TMEM132C: variants seen among roughly 807,000 people sequenced by gnomAD.
The protein encoded by TMEM132C is transmembrane protein 132C.
In TMEM132C, 29 loss-of-function variants were observed where a neutral mutation model predicts 61.4. The ratio of observed to expected loss-of-function variants is 0.47; its 90% CI spans 0.35 to 0.64. The LOEUF is 0.64. TMEM132C is among the 30% of genes least tolerant of loss of function. The pLI is 0.00. For missense variants in TMEM132C, 1,408 were observed against 1,476.9 expected (o/e 0.95, Z 0.76); for synonymous variants, 656 against 633.1 (o/e 1.04, Z -0.54).
intron 3 of TMEM132C, among the ~76,000 whole-genome samples, chr12:128,605,549 G>A (rs894827011): frequency 6.6e-6 from 1 of 152,160 alleles, no homozygotes; most frequent in Non-Finnish European, 1.5e-5. Context: ...TCAAGGTAAT[G>A]CATAAAATTA....
At chr12:128,663,519 G>A (rs574924286) in intron 4 of TMEM132C, among the ~76,000 whole-genome samples, 8 of 152,268 alleles carry the variant, frequency 5.3e-5, no homozygotes, top group African/African-American at 1.9e-4. Context: ...GAGGTGGGGC[G>A]TTTTACACCC....
chr12:128,567,755 G>A (rs1414799841), intron 3 of TMEM132C, among the ~76,000 whole-genome samples: 5 of 152,256 alleles, frequency 3.3e-5, no homozygotes, highest in South Asian at 4.2e-4. Flanking sequence ...TTCCAAGCTC[G>A]AGTCCAGCAG....
intron 1 of TMEM132C, among the ~76,000 whole-genome samples, chr12:128,406,240 C>T (rs1203342387): frequency 1.3e-5 from 2 of 152,204 alleles, no homozygotes; most frequent in Non-Finnish European, 2.9e-5. Flanking sequence ...CACCTTACTG[C>T]TGTGTGAAGT....
chr12:128,676,377 T>A (rs184685758), intron 5 of TMEM132C, among the ~76,000 whole-genome samples: 125 of 152,282 alleles, frequency 8.2e-4, no homozygotes, highest in Non-Finnish European at 1.4e-3. Context: ...ACATATTTTG[T>A]TTCATTTATT....
chr12:128,371,523 T>C (rs1360253350), intron 1 of TMEM132C, among the ~76,000 whole-genome samples: 1 of 152,222 alleles, frequency 6.6e-6, no homozygotes, highest in African/African-American at 2.4e-5. Flanking sequence ...TTCCAACTGC[T>C]GGAAGTCATC....
At chr12:128,701,506 C>T (rs1261885953) in intron 8 of TMEM132C, among the ~76,000 whole-genome samples, 2 of 152,194 alleles carry the variant, frequency 1.3e-5, no homozygotes, top group Non-Finnish European at 2.9e-5. Flanking sequence ...GATGCTCAAA[C>T]GATGTCATCA....
chr12:128,591,652 T>A (rs1000374203), intron 3 of TMEM132C, among the ~76,000 whole-genome samples: 1 of 152,190 alleles, frequency 6.6e-6, no homozygotes, highest in Non-Finnish European at 1.5e-5. Context: ...TTTCAACTCT[T>A]TAAAGAACTG....
At chr12:128,331,522 ACTGT>A (rs772864803) in intron 1 of TMEM132C, among the ~76,000 whole-genome samples, 11 of 152,176 alleles carry the variant, frequency 7.2e-5, no homozygotes, top group African/African-American at 9.7e-5. Context: ...GTGATATTTG[ACTGT>A]CTGTGCCTGG....
At chr12:128,336,893 G>T (rs1484188234) in intron 1 of TMEM132C, among the ~76,000 whole-genome samples, 1 of 152,164 alleles carries the variant, frequency 6.6e-6, no homozygotes, top group East Asian at 1.9e-4. Flanking sequence ...TCAGAACAAG[G>T]AGTGTGTTCA....
At chr12:128,372,760 T>C (rs1874066225) in intron 1 of TMEM132C, among the ~76,000 whole-genome samples, 2 of 152,014 alleles carry the variant, frequency 1.3e-5, no homozygotes, top group Admixed American at 1.3e-4. Flanking sequence ...ACCTGAGGAC[T>C]TGTATACAAC....
intron 2 of TMEM132C, among the ~76,000 whole-genome samples, chr12:128,535,900 G>A (rs1209331828): frequency 6.6e-6 from 1 of 151,782 alleles, no homozygotes; most frequent in African/African-American, 2.4e-5. Context: ...AACAGATACT[G>A]GAAAGGATGT....
intron 1 of TMEM132C, among the ~76,000 whole-genome samples, chr12:128,292,405 G>A (rs527563804): frequency 6.6e-6 from 1 of 152,302 alleles, no homozygotes; most frequent in East Asian, 1.9e-4. Context: ...TCACCCAGCA[G>A]TTGTAAGAAA....
In TMEM132C at chr12:128,340,246, T is replaced by C. The variant is rs549090239; in HGVS notation, c.85+72759T>C. ...TGAGTAGTGTTCACATTGAAAATGT[T>C]TTTTTCCCCTGTCTAACATTAACAC... On this transcript the variant is annotated intron_variant, in intron 1 of 8. Coordinates refer to ENST00000435159, the MANE Select transcript of TMEM132C (RefSeq NM_001136103.3). 3.9e-5 allele frequency among the ~76,000 whole-genome samples: 6 copies of C among 152,194 alleles called. No homozygotes were observed. The East Asian group carries it at 9.7e-4, about 25-fold the overall frequency.
chr12:128,635,847 A>T (rs928929592), intron 4 of TMEM132C, among the ~76,000 whole-genome samples: 7 of 152,162 alleles, frequency 4.6e-5, no homozygotes, highest in African/African-American at 1.7e-4. Flanking sequence ...TTTATCTGAG[A>T]GGGAGTTTCC....
chr12:128,596,148 C>G lies in TMEM132C; in HGVS notation c.1122-20004C>G, dbSNP rs574445528. ...CACTGGGCTGCCCCTTTCGCAGGTCCTGGTACAGAGGTGGCACGGCTTGAC... is the reference window on the plus strand; with the variant it reads ...CACTGGGCTGCCCCTTTCGCAGGTCGTGGTACAGAGGTGGCACGGCTTGAC... On this transcript the variant is annotated intron_variant, in intron 3 of 8. Transcript: ENST00000435159. Among the ~76,000 whole-genome samples the G allele has an allele frequency of 9.3e-5, 14 of 149,950 alleles. No homozygotes were observed. The East Asian group carries it at 2.8e-3, about 30-fold the overall frequency.
chr12:128,469,662 G>A (rs868748950), intron 2 of TMEM132C, among the ~76,000 whole-genome samples: 134 of 144,842 alleles, frequency 9.3e-4, no homozygotes, highest in African/African-American at 2.5e-3. Flanking sequence ...GTGTGTGTGT[G>A]TATATATATA....
intron 1 of TMEM132C, among the ~76,000 whole-genome samples, chr12:128,343,386 T>G (rs1873040905): frequency 6.7e-6 from 1 of 148,172 alleles, no homozygotes; most frequent in South Asian, 2.1e-4. Context: ...ATCCCACCAC[T>G]GCACTCCAGC....
At chr12:128,559,255 T>G (rs1016275691) in intron 3 of TMEM132C, among the ~76,000 whole-genome samples, 1 of 152,160 alleles carries the variant, frequency 6.6e-6, no homozygotes, top group Non-Finnish European at 1.5e-5. Flanking sequence ...TCTTGTATTT[T>G]TTCCATGTTA....
rs1954842440 is a variant in TMEM132C, at chr12:128,706,544, A to T, written c.*249A>T. 17 of 413,428 alleles carry T rather than the reference A, an allele frequency of 4.1e-5. No individual in the cohort carries two copies. In the East Asian group the frequency reaches 6.2e-4, roughly 15 times the overall value. The allele number at this position is 413,428 out of a possible 1,614,324, so 25.6% of individuals were successfully genotyped here. A position where few individuals can be genotyped will look rare whatever the true frequency, so the allele number is the denominator to read the frequency against. Reference sequence around the variant, plus strand: ...ATGGGGAGTGCAGACCAAGTTACTGAACTGCACAGGCAAAATTAGGAAGGT... The same window carrying T: ...ATGGGGAGTGCAGACCAAGTTACTGTACTGCACAGGCAAAATTAGGAAGGT... On this transcript the variant is annotated 3_prime_UTR_variant, in exon 9 of 9. Transcript: ENST00000435159.
Sources: gnomAD v4.1 joint callset for allele counts (sites outside exome capture counted in the v4.1 genomes callset) on GRCh38, gnomAD v4.1.1 for gene constraint, MANE v1.5 for transcripts, NCBI Gene and HGNC (gene_info 2026-07-23, HGNC 2026-07-21) for gene names.